Variants in RPN2 observed in about 807,000 individuals in gnomAD.
RPN2 encodes ribophorin II.
A neutral mutation model predicts 71.4 loss-of-function variants in RPN2; 29 were observed. The ratio of observed to expected loss-of-function variants is 0.41; its 90% confidence interval spans 0.30 to 0.55. The LOEUF (loss-of-function observed/expected upper bound fraction) is 0.55, where lower values mean the gene tolerates loss of function less well. Among genes scored for constraint, RPN2 ranks in the 20% least tolerant of loss-of-function variants. RPN2 has a pLI of 0.35. For missense variants in RPN2, 726 were observed against 774.1 expected, an observed-to-expected ratio of 0.94 and a Z score of 0.74; for synonymous variants, 308 against 305.0, an observed-to-expected ratio of 1.01 and a Z score of -0.10.
chr20:37,211,528 C>A (rs1318764387), intron 8 of RPN2, among the ~76,000 whole-genome samples: 1 of 151,334 alleles, frequency 6.6e-6, no homozygotes, highest in African/African-American at 2.4e-5. Flanking sequence ...GTATTCCCAG[C>A]TACTCCGGAG....
chr20:37,238,677 G>C, intron 16 of RPN2: 1 of 737,244 alleles, frequency 1.4e-6, no homozygotes, highest in Non-Finnish European at 2.5e-6. Flanking sequence ...TTTGCAGTGA[G>C]CAGCTTTGGC....
intron 6 of RPN2, among the ~76,000 whole-genome samples, chr20:37,206,849 C>T (rs1423210947): frequency 6.6e-6 from 1 of 152,044 alleles, no homozygotes; most frequent in Non-Finnish European, 1.5e-5. Context: ...GATGGGATTA[C>T]AGGCGCATGC....
chr20:37,234,653 C>T (rs1480548015), intron 15 of RPN2, among the ~76,000 whole-genome samples: 1 of 151,332 alleles, frequency 6.6e-6, no homozygotes, highest in Non-Finnish European at 1.5e-5. Flanking sequence ...GGGTGCCTTG[C>T]ATTTCACTGT....
intron 15 of RPN2, among the ~76,000 whole-genome samples, chr20:37,234,778 T>A (rs548426931): frequency 1.8e-4 from 27 of 151,406 alleles, no homozygotes; most frequent in African/African-American, 6.3e-4. Flanking sequence ...CCTCCCAGAC[T>A]CAGGTGATCC....
Position 37,236,719 on chromosome 20 carries a change from G to T in RPN2, c.1883+10G>T, listed in dbSNP as rs778558793. 6 of 1,613,812 alleles carry T rather than the reference G, an allele frequency of 3.7e-6. No individual in the cohort carries two copies. In the Admixed American group the frequency reaches 5.0e-5, roughly 13 times the overall value. On this transcript the variant is annotated intron_variant, in intron 16 of 16. Coordinates refer to ENST00000237530, the MANE Select transcript of RPN2 (RefSeq NM_002951.5). ...AGCAGGCAGTCAAGAGGTAAGGCCA[G>T]ACATGAGCCAGGGATCTAGAGTAGG...
At chr20:37,193,934 G>A (rs1436469547) in intron 2 of RPN2, among the ~76,000 whole-genome samples, 4 of 152,158 alleles carry the variant, frequency 2.6e-5, no homozygotes, top group African/African-American at 9.7e-5. Flanking sequence ...TGAGAGCCAG[G>A]CCTAGGAGCT....
intron 8 of RPN2, among the ~76,000 whole-genome samples, 157 bp downstream of exon 8, chr20:37,210,322 A>G (rs1366833177): frequency 1.3e-5 from 2 of 152,222 alleles, no homozygotes; most frequent in South Asian, 2.1e-4. Context: ...TTTTAAAATG[A>G]AGATTATTTG....
chr20:37,224,120 T>C (rs2068022255), intron 10 of RPN2, 151 bp downstream of exon 10: 1 of 702,162 alleles, frequency 1.4e-6, no homozygotes, highest in Admixed American at 2.1e-5. Flanking sequence ...CCACTGGTCC[T>C]GCACCGGGGA....
At chr20:37,211,731 AT>A (rs200423121) in intron 8 of RPN2, among the ~76,000 whole-genome samples, 6,765 of 145,924 alleles carry the variant, frequency 0.046, 429 homozygotes, top group African/African-American at 0.14. Context: ...TTCTTTTACA[AT>A]TTTTTTTTTT....
rs2068463924 is a variant in RPN2 at position 37,238,531 on chromosome 20, A to G, written c.1883+1822A>G. On this transcript the variant is annotated intron_variant, in intron 16 of 16. Transcript: ENST00000237530. ...CCTCATGCATGTCAGTTATCTCTCT[A>G]GTTTTCAGCCCACTTGCTCCTCCCA... The G allele has an allele frequency of 6.0e-6, 6 of 1,005,508 alleles. No homozygotes were observed. In the African/African-American group the frequency reaches 8.0e-5, roughly 13 times the overall value. 62.3% of individuals were successfully genotyped at this position (1,005,508 alleles called of 1,614,324 possible).
intron 6 of RPN2, among the ~76,000 whole-genome samples, chr20:37,205,474 T>C (rs1238237577): frequency 1.3e-5 from 2 of 152,120 alleles, no homozygotes; most frequent in Non-Finnish European, 2.9e-5. Context: ...AGTAGGACCG[T>C]CTTTGTACCC....
rs553191939 is a variant in RPN2 at position 37,223,968 on chromosome 20, C to T, written c.1183C>T (p.Arg395Trp). The T allele has an allele frequency of 6.1e-5, 98 of 1,613,378 alleles. No homozygotes were observed. The highest frequency in any genetic ancestry group is 1.3e-4 in the Admixed American group (8 of 59,980). ...TCAGAGCATTGCACCCAAAACTACCCGGTAGGTGAGATGCCACCTGATCAC... is the reference window on the plus strand; with the variant it reads ...TCAGAGCATTGCACCCAAAACTACCTGGTAGGTGAGATGCCACCTGATCAC... Reference protein sequence around the residue: ...KDQSIAPKTTRVTYPAKAKGT... With the variant: ...KDQSIAPKTTWVTYPAKAKGT... Residue 395 changes from arginine (R) to tryptophan (W), a missense_variant and splice_region_variant, in exon 10 of 17, where the codon CGG becomes TGG. Transcript: ENST00000237530.
intron 9 of RPN2, among the ~76,000 whole-genome samples, chr20:37,219,814 T>C (rs559411491): frequency 6.6e-6 from 1 of 152,374 alleles, no homozygotes; most frequent in African/African-American, 2.4e-5. Flanking sequence ...AAGGCTGTTC[T>C]TTCCCTAACG....
intron 16 of RPN2, among the ~76,000 whole-genome samples, chr20:37,240,936 T>G (rs2068533645): frequency 6.6e-6 from 1 of 152,242 alleles, no homozygotes. Context: ...GAGCATTATT[T>G]AAACTTTGCT....
chr20:37,189,080 T>C (rs1331771505), intron 2 of RPN2, among the ~76,000 whole-genome samples: 1 of 152,116 alleles, frequency 6.6e-6, no homozygotes, highest in Non-Finnish European at 1.5e-5. Context: ...ACTACAGGCA[T>C]TCTCCACCAC....
At chr20:37,213,886 C>T in intron 9 of RPN2, 21 bp downstream of exon 9, 6 of 1,546,452 alleles carry the variant, frequency 3.9e-6, no homozygotes, top group Non-Finnish European at 5.4e-6. Context: ...TTCTTTCCTT[C>T]CCATTGCCAT....
rs183185831 is a variant in RPN2, at chr20:37,216,722, G to A, written c.1092+2857G>A. Among the ~76,000 whole-genome samples the A allele has an allele frequency of 9.9e-4, 151 of 152,154 alleles. 1 individual carries two copies. Among genetic ancestry groups the A allele is most frequent in the South Asian group, 6.2e-4 (3 of 4,812 alleles). ...AATGATCCGCCTGCTTTGGCCCACC[G>A]ACGTGTTGGGATTACAGTCGTGAGC... On this transcript the variant is annotated intron_variant, in intron 9 of 16. Transcript: ENST00000237530.
rs1015956862 is a variant in RPN2 at position 37,200,555 on chromosome 20, GTTT to G, written c.479+1334_479+1336del. 2.2e-5 allele frequency: 11 copies of G among 510,464 alleles called. No homozygotes were observed. In the African/African-American group the frequency reaches 2.2e-4, roughly 10 times the overall value. The allele number at this position is 510,464 out of a possible 1,614,324, so 31.6% of individuals were successfully genotyped here. A position where few individuals can be genotyped will look rare whatever the true frequency, so the allele number is the denominator to read the frequency against. ...GATTGTTTCCCAGGTTTTTTTGTTT[GTTT>G]TTTGTTTTTTTGCTGACAACCAGAT... On this transcript the variant is annotated intron_variant, in intron 4 of 16. Transcript: ENST00000237530.
intron 4 of RPN2, among the ~76,000 whole-genome samples, chr20:37,203,372 T>A (rs966129445): frequency 9.0e-5 from 1 of 11,164 alleles, no homozygotes; most frequent in African/African-American, 3.3e-4. Flanking sequence ...TTTTTTTTTT[T>A]TTTTTTTTTT....
Sources: allele counts gnomAD v4.1 joint callset (sites outside exome capture counted in the v4.1 genomes callset), GRCh38; gene constraint gnomAD v4.1.1; transcripts MANE v1.5; gene names NCBI Gene and HGNC (gene_info 2026-07-23, HGNC 2026-07-21).